The following RYR2 variants were observed in gnomAD, a reference collection of about 807,000 sequenced individuals.
RYR2 encodes the protein cardiac muscle ryanodine receptor-calcium release channel.
In RYR2, 227 loss-of-function variants were observed where a neutral mutation model predicts 601.1. That is an observed-to-expected ratio of 0.38 (90% CI 0.34 to 0.42). The LOEUF (loss-of-function observed/expected upper bound fraction) is 0.42, where lower values mean the gene tolerates loss of function less well. RYR2 is among the 10% of genes least tolerant of loss of function. The pLI, the probability that RYR2 is intolerant of heterozygous loss-of-function variation, is 1.00. For synonymous variants in RYR2, 2,223 were observed against 2,175.1 expected (o/e 1.02, Z -0.61); for missense variants, 4,646 against 6,156.5 (o/e 0.75, Z 8.21).
chr1:237,785,903 G>C, intron 90 of RYR2, 66 bp from the exon 91 acceptor site: 2 of 1,093,076 alleles, frequency 1.8e-6, no homozygotes, highest in Non-Finnish European at 2.8e-6. Context: ...TGGTCACATG[G>C]CTCCCTCAAT....
At chr1:237,201,895 AT>A (rs1338722216) in intron 1 of RYR2, among the ~76,000 whole-genome samples, 1 of 152,132 alleles carries the variant, frequency 6.6e-6, no homozygotes, top group Non-Finnish European at 1.5e-5. Context: ...TATCTGAGTT[AT>A]TTTATCATAT....
In RYR2 at chr1:237,623,749, T is replaced by G; in HGVS notation, c.5917-16T>G. ...TCTTCCTCCTTCTTCCTCTTTCTTG[T>G]TTTTCAAACTTTCAGATCAATATGC... On this transcript the variant is annotated splice_polypyrimidine_tract_variant and intron_variant, in intron 38 of 104. Coordinates refer to ENST00000366574, the MANE Select transcript of RYR2 (RefSeq NM_001035.3). 1 of 1,530,202 alleles carries G rather than the reference T, an allele frequency of 6.5e-7. No individual in the cohort carries two copies. Among genetic ancestry groups the G allele is most frequent in the Non-Finnish European group, 9.0e-7 (1 of 1,106,548 alleles). 94.8% of individuals were successfully genotyped at this position (1,530,202 alleles called of 1,614,324 possible). A position where few individuals can be genotyped will look rare whatever the true frequency, so the allele number is the denominator to read the frequency against.
At chr1:237,083,695 C>G (rs533131719) in intron 1 of RYR2, among the ~76,000 whole-genome samples, 152 of 152,228 alleles carry the variant, frequency 1.0e-3, no homozygotes, top group African/African-American at 3.2e-3. Context: ...CTGTGCTCCT[C>G]TATTTCTCTG....
intron 1 of RYR2, among the ~76,000 whole-genome samples, chr1:237,254,601 C>T (rs904288614): frequency 6.6e-6 from 1 of 152,144 alleles, no homozygotes; most frequent in African/African-American, 2.4e-5. Context: ...TGGTCTCATT[C>T]TTTAGAGAGG....
intron 2 of RYR2, among the ~76,000 whole-genome samples, chr1:237,317,040 CT>C (rs1297102625): frequency 5.3e-5 from 8 of 152,122 alleles, no homozygotes; most frequent in Admixed American, 1.3e-4. Context: ...ACCTCCCCAC[CT>C]CCACAAAAGG....
chr1:237,500,648 T>C, intron 20 of RYR2, 63 bp from the exon 21 acceptor site: 1 of 1,423,608 alleles, frequency 7.0e-7, no homozygotes, highest in Non-Finnish European at 9.5e-7. Flanking sequence ...TGACTTTGGC[T>C]CTGAAGCTGA....
intron 1 of RYR2, among the ~76,000 whole-genome samples, chr1:237,175,633 A>G (rs1175894265): frequency 1.3e-5 from 2 of 152,184 alleles, no homozygotes; most frequent in African/African-American, 4.8e-5. Context: ...ATCATCCTTA[A>G]TGCCTGTGTC....
At chr1:237,830,313 A>T (rs1574124622) in intron 102 of RYR2, 1 of 442,300 alleles carries the variant, frequency 2.3e-6, no homozygotes, top group East Asian at 4.1e-5. Flanking sequence ...TGCGTCTGCT[A>T]CTTCTTGCTG....
chr1:237,491,239 T>A (rs1217895555), intron 17 of RYR2, among the ~76,000 whole-genome samples: 1 of 152,242 alleles, frequency 6.6e-6, no homozygotes, highest in Non-Finnish European at 1.5e-5. Flanking sequence ...TACATATTTC[T>A]CTTATTTAAC....
At chr1:237,311,690 T>A (rs1311229705) in intron 2 of RYR2, among the ~76,000 whole-genome samples, 2 of 151,880 alleles carry the variant, frequency 1.3e-5, no homozygotes, top group Non-Finnish European at 2.9e-5. Context: ...TGTTGCCCAG[T>A]CTAGTCTGGA....
chr1:237,569,939 C>T (rs951100398), intron 29 of RYR2, among the ~76,000 whole-genome samples: 19 of 152,154 alleles, frequency 1.2e-4, no homozygotes, highest in African/African-American at 3.6e-4. Flanking sequence ...GAGGGTGGGC[C>T]GGGTTCAGTG....
chr1:237,049,035 C>T (rs1266011675), intron 1 of RYR2, among the ~76,000 whole-genome samples: 6 of 152,084 alleles, frequency 3.9e-5, no homozygotes, highest in Admixed American at 6.5e-5. Flanking sequence ...GAGATGAGGA[C>T]ACCGGAGGTG....
chr1:237,539,510 T>C lies in RYR2; in HGVS notation c.2907-8921T>C, dbSNP rs552578029. On this transcript the variant is annotated intron_variant, in intron 25 of 104. Coordinates refer to ENST00000366574, the MANE Select transcript of RYR2 (RefSeq NM_001035.3). ...TATCAATTGGAATTAAATGCTATAT[T>C]CCCTATTAAAAATAGCTAATTTTTG... Among the ~76,000 whole-genome samples, 10 of 152,356 alleles carry C rather than the reference T, an allele frequency of 6.6e-5. No individual in the cohort carries two copies. The South Asian group carries it at 2.1e-3, about 32-fold the overall frequency.
At chr1:237,690,652 G>A (rs554094780) in intron 63 of RYR2, among the ~76,000 whole-genome samples, 2 of 152,156 alleles carry the variant, frequency 1.3e-5, no homozygotes, top group East Asian at 1.9e-4. Context: ...ACTTGAGCTC[G>A]GGAGTTCAAG....
intron 1 of RYR2, among the ~76,000 whole-genome samples, chr1:237,100,240 T>C (rs187262377): frequency 6.6e-6 from 1 of 152,218 alleles, no homozygotes; most frequent in Admixed American, 6.5e-5. Context: ...TGCATTTCCT[T>C]CCGTCACCTA....
chr1:237,682,136 T>A (rs1462267291), intron 62 of RYR2, among the ~76,000 whole-genome samples: 1 of 152,222 alleles, frequency 6.6e-6, no homozygotes, highest in East Asian at 1.9e-4. Flanking sequence ...ATACTATGCA[T>A]ATATCGAAGC....
chr1:237,262,962 A>G lies in RYR2; in HGVS notation c.49-7535A>G, dbSNP rs765294482. On this transcript the variant is annotated intron_variant, in intron 1 of 104. Coordinates refer to ENST00000366574, the MANE Select transcript of RYR2 (RefSeq NM_001035.3). ...TTTATTGAGTTTTCAAGAGTATAAT[A>G]TATGACTGATTCGTTTAGATTATGT... is the stretch of plus-strand genomic sequence containing the variant. Among the ~76,000 whole-genome samples, 21 of 152,318 alleles carry G rather than the reference A, an allele frequency of 1.4e-4. No individual in the cohort carries two copies. In the Middle Eastern group the frequency reaches 0.01, roughly 74 times the overall value.
chr1:237,144,866 C>T lies in RYR2; in HGVS notation c.48+102297C>T, dbSNP rs182065633. ...ATACGAGTGAAACATGCATCCAACTCGAGAACTGGATCTTGGGTATCCCCT... is the reference window on the plus strand; with the variant it reads ...ATACGAGTGAAACATGCATCCAACTTGAGAACTGGATCTTGGGTATCCCCT... On this transcript the variant is annotated intron_variant, in intron 1 of 104. Coordinates refer to ENST00000366574, the MANE Select transcript of RYR2 (RefSeq NM_001035.3). Among the ~76,000 whole-genome samples the T allele has an allele frequency of 2.3e-3, 344 of 152,300 alleles. 3 individuals carry two copies. Among genetic ancestry groups the T allele is most frequent in the African/African-American group, 8.0e-3 (333 of 41,560 alleles).
chr1:237,042,707 G>A, intron 1 of RYR2, 138 bp downstream of exon 1: 1 of 825,486 alleles, frequency 1.2e-6, no homozygotes, highest in Non-Finnish European at 1.7e-6. Flanking sequence ...TGCGGGAGGA[G>A]CGGGCATCAC....
Sources: allele counts gnomAD v4.1 joint callset (sites outside exome capture counted in the v4.1 genomes callset), GRCh38; gene constraint gnomAD v4.1.1; transcripts MANE v1.5; gene names NCBI Gene and HGNC (gene_info 2026-07-23, HGNC 2026-07-21).